The following ZNF550 variants were observed in gnomAD, a reference collection of about 807,000 sequenced individuals.
The protein encoded by ZNF550 is zinc finger protein 550.
Under a neutral mutation model 40.2 loss-of-function variants are expected in ZNF550, and 42 were observed. The observed-to-expected ratio is 1.05, with a 90% CI of 0.82 to 1.35. The LOEUF (loss-of-function observed/expected upper bound fraction) is 1.35, where lower values mean the gene tolerates loss of function less well. ZNF550 is among the 40% of genes most tolerant of loss of function. The pLI is 0.00. For missense variants in ZNF550, 549 were observed against 525.2 expected, an observed-to-expected ratio of 1.05 and a Z score of -0.44; for synonymous variants, 223 against 198.6, an observed-to-expected ratio of 1.12 and a Z score of -1.03.
At chr19:57,549,725 A>C (rs375171696) in intron 3 of ZNF550, among the ~76,000 whole-genome samples, 5 of 152,218 alleles carry the variant, frequency 3.3e-5, no homozygotes, top group African/African-American at 1.2e-4. Context: ...TTGGAGCAAG[A>C]AAATGAAGAT....
chr19:57,552,655 C>T (rs753570894), exon 3 of ZNF550: 2 of 1,598,078 alleles, frequency 1.3e-6, no homozygotes, highest in Non-Finnish European at 1.7e-6. Flanking sequence ...AGAGGCCTCT[C>T]TTCACTATCC....
intron 3 of ZNF550, among the ~76,000 whole-genome samples, chr19:57,550,487 C>A (rs538779976): frequency 9.9e-4 from 150 of 152,278 alleles, no homozygotes; most frequent in African/African-American, 3.5e-3. Context: ...TGGTACACAG[C>A]ATATAGGATA....
chr19:57,546,602 G>T, exon 4 of ZNF550: 1 of 1,011,028 alleles, frequency 9.9e-7, no homozygotes, highest in Admixed American at 5.1e-5. Flanking sequence ...TTTTCATTAT[G>T]ATTCTCAGAT....
chr19:57,559,981 A>G (rs570759688), upstream of ZNF550: 63 of 368,108 alleles, frequency 1.7e-4, no homozygotes, highest in African/African-American at 3.1e-4. Flanking sequence ...TTTATTATGC[A>G]CACCATGTTT....
chr19:57,556,139 G>T, intron 2 of ZNF550, 92 bp downstream of exon 2: 1 of 1,548,926 alleles, frequency 6.5e-7, no homozygotes, highest in Non-Finnish European at 8.9e-7. Flanking sequence ...AGAAAGGTCT[G>T]TCAAGAGAAA....
rs551450774 is a variant in ZNF550 at position 57,542,288 on chromosome 19, A to C, written c.*1474T>G. ...TGGGAGAGGAAGGGCAATGTATAAC[A>C]TAATTCCAGTTACATACTAGATCAC... On this transcript the variant is annotated 3_prime_UTR_variant, in exon 5 of 5. Transcript: ENST00000457177. 6 of 149,870 alleles carry C rather than the reference A, an allele frequency of 4.0e-5. No individual in the cohort carries two copies. The South Asian group carries it at 1.3e-3, about 32-fold the overall frequency. 9.3% of individuals were successfully genotyped at this position (149,870 alleles called of 1,614,324 possible). A position where few individuals can be genotyped will look rare whatever the true frequency, so the allele number is the denominator to read the frequency against.
At chr19:57,544,773 CAT>C (rs1172244907) in intron 4 of ZNF550, among the ~76,000 whole-genome samples, 1 of 152,196 alleles carries the variant, frequency 6.6e-6, no homozygotes, top group African/African-American at 2.4e-5. Flanking sequence ...TTTAACCTAA[CAT>C]TATCTCATGT....
At position 57,549,437 on chromosome 19, in the gene ZNF550, C is replaced by G. The variant is rs373693182; in HGVS notation, c.251-1444G>C. Among the ~76,000 whole-genome samples, 168 of 152,196 alleles carry G rather than the reference C, an allele frequency of 1.1e-3. 1 individual carries two copies. The highest frequency in any genetic ancestry group is 3.9e-3 in the African/African-American group (162 of 41,526). On this transcript the variant is annotated intron_variant, in intron 3 of 4. Coordinates refer to ENST00000457177, the Ensembl canonical transcript of ZNF550. ...TCTAGCCTGGGCAACAAGAGCAAAA[C>G]TCTGTCTCAAAGAAGAAAAAGAAAA... is the stretch of plus-strand genomic sequence containing the variant.
At chr19:57,547,425 G>A (rs745316757) in exon 4 of ZNF550, 2 of 1,613,790 alleles carry the variant, frequency 1.2e-6, no homozygotes, top group South Asian at 1.1e-5. Context: ...GCTGCATGAG[G>A]TACGACCTGC....
chr19:57,547,384 T>C (rs2090025423), exon 4 of ZNF550: 5 of 1,611,528 alleles, frequency 3.1e-6, no homozygotes, highest in Non-Finnish European at 4.2e-6. Flanking sequence ...ACTACACTCA[T>C]AGGGTTTCTC....
Position 57,547,177 on chromosome 19 carries a change from G to C in ZNF550, c.1067C>G (p.Ser356Ter), listed in dbSNP as rs749837485. ...AATCCGCTGGTGCTGTATGAGTTCT[G>C]AGCTGCATCTGAAGGCCTTTCCACA... Residue 356 changes from serine to a stop codon, truncating the protein, a stop_gained, in exon 4 of 5, where the codon TCA becomes TGA. Transcript: ENST00000457177. LOFTEE classifies it high-confidence loss of function. 22 of 1,611,302 alleles carry C rather than the reference G, an allele frequency of 1.4e-5. No individual in the cohort carries two copies. Among genetic ancestry groups the C allele is most frequent in the Non-Finnish European group, 1.9e-5 (22 of 1,177,976 alleles).
At chr19:57,558,417 A>T (rs560093773) in intron 1 of ZNF550, among the ~76,000 whole-genome samples, 1 of 152,312 alleles carries the variant, frequency 6.6e-6, no homozygotes, top group South Asian at 2.1e-4. Context: ...GATTTATTGG[A>T]AATGTGATGA....
chr19:57,544,043 C>T (rs371103732), intron 4 of ZNF550: 35 of 985,384 alleles, frequency 3.6e-5, no homozygotes, highest in African/African-American at 1.4e-4. Flanking sequence ...GACTTAAAAA[C>T]GGGTGCTAAA....
At chr19:57,556,543 C>A in intron 1 of ZNF550, 186 bp from the exon 2 acceptor site, 1 of 627,654 alleles carries the variant, frequency 1.6e-6, no homozygotes, top group Non-Finnish European at 2.6e-6. Context: ...GCAATTGTGC[C>A]TGAGAGAAAA....
chr19:57,556,201 C>T, intron 2 of ZNF550, 30 bp downstream of exon 2: 1 of 1,613,656 alleles, frequency 6.2e-7, no homozygotes, highest in Non-Finnish European at 8.5e-7. Flanking sequence ...GGGTTAGGGT[C>T]CTCCTCAGGG....
exon 5 of ZNF550, chr19:57,542,994 G>A (rs2089974930): frequency 6.5e-6 from 1 of 152,944 alleles, no homozygotes; most frequent in South Asian, 2.1e-4. Flanking sequence ...AAAGGGCAGA[G>A]TGAATAATAA....
rs528279814 is a variant in ZNF550, at chr19:57,556,625, G to A, written c.28-268C>T. 198 of 352,586 alleles carry A rather than the reference G, an allele frequency of 5.6e-4. 2 individuals are homozygous for A. The South Asian group carries it at 6.3e-3, about 11-fold the overall frequency. 21.8% of individuals were successfully genotyped at this position (352,586 alleles called of 1,614,324 possible). A position where few individuals can be genotyped will look rare whatever the true frequency, so the allele number is the denominator to read the frequency against. Reference sequence around the variant, plus strand: ...CCACGAGGACTATGGGAAGCAGAGAGTAAGTACTCTGGCATATTAAAAGAA... The same window carrying A: ...CCACGAGGACTATGGGAAGCAGAGAATAAGTACTCTGGCATATTAAAAGAA... On this transcript the variant is annotated intron_variant, in intron 1 of 4. Coordinates refer to ENST00000457177, the Ensembl canonical transcript of ZNF550.
exon 4 of ZNF550, chr19:57,547,444 G>C (rs748717885): frequency 6.2e-7 from 1 of 1,614,062 alleles, no homozygotes; most frequent in East Asian, 2.2e-5. Flanking sequence ...GCGTTTGAAG[G>C]CCTTCCCACA....
chr19:57,546,994 T>A (rs1253395000), exon 4 of ZNF550: 2 of 1,611,992 alleles, frequency 1.2e-6, no homozygotes, highest in African/African-American at 1.3e-5. Context: ...GACCCTTTGG[T>A]GCTGCAGAAG....
Sources: allele counts gnomAD v4.1 joint callset (sites outside exome capture counted in the v4.1 genomes callset), GRCh38; gene constraint gnomAD v4.1.1; transcripts MANE v1.5; gene names NCBI Gene and HGNC (gene_info 2026-07-23, HGNC 2026-07-21).